Variants in APOB observed in about 807,000 individuals in gnomAD.
The protein encoded by APOB is apolipoprotein B-100.
Under a neutral mutation model 314.1 loss-of-function variants are expected in APOB, and 153 were observed. The ratio of observed to expected loss-of-function variants is 0.49; its 90% CI spans 0.43 to 0.56. APOB has a LOEUF of 0.56. Ranked by LOEUF, APOB falls within the 20% of genes least tolerant of loss-of-function variation. The pLI is 0.00. For synonymous variants in APOB, 2,087 were observed against 2,036.4 expected (o/e 1.02, Z -0.67); for missense variants, 5,430 against 5,350.7 (o/e 1.01, Z -0.46).
chr2:21,038,301 T>A (rs1005546966), intron 4 of APOB, among the ~76,000 whole-genome samples, 190 bp from the exon 5 acceptor site: 1 of 152,190 alleles, frequency 6.6e-6, no homozygotes, highest in African/African-American at 2.4e-5. Flanking sequence ...CACATATACA[T>A]AAGTTTTGGT....
chr2:21,024,201 C>G (rs1291923058), intron 16 of APOB: 1 of 152,406 alleles, frequency 6.6e-6, no homozygotes, highest in African/African-American at 2.4e-5. Flanking sequence ...TTTAATCAAG[C>G]CATAGGAGTA....
chr2:21,036,501 A>C (rs1323896355), intron 6 of APOB, among the ~76,000 whole-genome samples: 1 of 152,192 alleles, frequency 6.6e-6, no homozygotes, highest in Non-Finnish European at 1.5e-5. Context: ...TGCAGGGGTC[A>C]GGCAGGCTCA....
In APOB at chr2:21,012,321, C is replaced by T. The variant is rs747557440; in HGVS notation, c.4547G>A (p.Gly1516Glu). 3.1e-6 allele frequency: 5 copies of T among 1,613,996 alleles called. No homozygotes were observed. Among genetic ancestry groups the T allele is most frequent in the East Asian group, 2.2e-5 (1 of 44,880 alleles). Reference sequence around the variant, plus strand: ...GGAGTTAAACCTCAGGTTGGACTCTCCATTGAGCCGGCCAGTGTTAGGATC... The same window carrying T: ...GGAGTTAAACCTCAGGTTGGACTCTTCATTGAGCCGGCCAGTGTTAGGATC... ...QRDPNTGRLNGESNLRFNSSY... is the reference protein window; with the variant it reads ...QRDPNTGRLNEESNLRFNSSY... The change falls in exon 26 of 29, where the codon GGA (glycine) becomes GAA (glutamate). Residue 1516 changes from glycine to glutamate, a missense_variant. Gly to Glu is a moderately conservative substitution (Grantham distance 98, BLOSUM62 -2). Coordinates refer to ENST00000233242, the MANE Select transcript of APOB (RefSeq NM_000384.3).
At position 21,009,593 on chromosome 2, in the gene APOB, C is replaced by A. The variant is rs770657948; in HGVS notation, c.7275G>T (p.Lys2425Asn). Residue 2425 changes from lysine (K) to asparagine (N), a missense_variant, in exon 26 of 29, where the codon AAG (lysine) becomes AAT (asparagine). Transcript: ENST00000233242. ...DVNKFLDMLI[K>N]KLKSFDYHQF... The stretch of plus-strand genomic sequence containing the variant: ...GGTGGTAATCAAATGACTTTAATTT[C>A]TTTATCAACATGTCAAGGAATTTGT... 2 of 1,613,826 alleles carry A rather than the reference C, an allele frequency of 1.2e-6. No individual in the cohort carries two copies. Among genetic ancestry groups the A allele is most frequent in the East Asian group, 4.5e-5 (2 of 44,884 alleles).
chr2:21,030,663 C>T (rs1663851020), intron 10 of APOB, among the ~76,000 whole-genome samples: 1 of 152,102 alleles, frequency 6.6e-6, no homozygotes, highest in Non-Finnish European at 1.5e-5. Context: ...AGGGTGGTAA[C>T]CTGCAGAATG....
At chr2:21,040,352 T>C (rs1664100307) in intron 4 of APOB, among the ~76,000 whole-genome samples, 1 of 152,240 alleles carries the variant, frequency 6.6e-6, no homozygotes, top group East Asian at 1.9e-4. Flanking sequence ...CTATCCTGCC[T>C]GTATTCATAC....
chr2:21,013,617 T>A, intron 24 of APOB, 84 bp from the exon 25 acceptor site: 1 of 1,582,784 alleles, frequency 6.3e-7, no homozygotes, highest in Non-Finnish European at 8.7e-7. Flanking sequence ...ACAACAATAT[T>A]GTACTTGCCC....
rs779753415 is a variant in APOB, at chr2:21,010,613, T to C, written c.6255A>G (p.Arg2085=). 44 of 1,614,014 alleles carry C rather than the reference T, an allele frequency of 2.7e-5. No homozygotes were observed. The highest frequency in any genetic ancestry group is 1.7e-4 in the Admixed American group (10 of 59,986). ...TTTCCAGTACAACTATAATGGTTTGTCGATTCCTCTCAAAATATTCTTGCA... is the reference window on the plus strand; with the variant it reads ...TTTCCAGTACAACTATAATGGTTTGCCGATTCCTCTCAAAATATTCTTGCA... ...ETLQEYFERN[R]QTIIVVLENV... is the part of the protein sequence containing the mutation. The change falls in exon 26 of 29, where the codon CGA becomes CGG. Residue 2085 remains arginine (R), a synonymous_variant. Transcript: ENST00000233242.
At position 21,010,603 on chromosome 2, in the gene APOB, T is replaced by C. The variant is rs757554311; in HGVS notation, c.6265A>G (p.Ile2089Val). Reference sequence around the variant, plus strand: ...CTCTGTACGTTTTCCAGTACAACTATAATGGTTTGTCGATTCCTCTCAAAA... The same window carrying C: ...CTCTGTACGTTTTCCAGTACAACTACAATGGTTTGTCGATTCCTCTCAAAA... ...EYFERNRQTI[I>V]VVLENVQRNL... The change falls in exon 26 of 29, where the codon ATA becomes GTA. Residue 2089 changes from isoleucine (I) to valine (V), a missense_variant. Transcript: ENST00000233242. The C allele has an allele frequency of 8.7e-6, 14 of 1,614,022 alleles. No individual in the cohort carries two copies. Among genetic ancestry groups the C allele is most frequent in the Non-Finnish European group, 1.2e-5 (14 of 1,180,010 alleles).
Position 21,019,836 on chromosome 2 carries a change from G to A in APOB, c.2886C>T (p.Ser962=). 1.2e-6 allele frequency: 2 copies of A among 1,614,176 alleles called. No individual in the cohort carries two copies. Among genetic ancestry groups the A allele is most frequent in the Non-Finnish European group, 1.7e-6 (2 of 1,180,024 alleles). ...GAAAGACTTGCTTGCAAACTGACCA[G>A]GACTGCCTGTTCTCAATGAGAGGTG... ...VIPPLIENRQ[S]WSVCKQVFPG... The change falls in exon 19 of 29, where the codon TCC becomes TCT. Residue 962 remains serine, a synonymous_variant. Coordinates refer to ENST00000233242, the MANE Select transcript of APOB (RefSeq NM_000384.3).
rs1572779424 is a variant in APOB at position 21,007,082 on chromosome 2, T to G, written c.9786A>C (p.Pro3262=). The G allele has an allele frequency of 6.2e-7, 1 of 1,613,914 alleles. No homozygotes were observed. Residue 3262 remains proline (P), a synonymous_variant, in exon 26 of 29, where the codon CCA becomes CCC. Coordinates refer to ENST00000233242, the MANE Select transcript of APOB (RefSeq NM_000384.3). ...CGAATGCCGACATCTCTATGGTGAA[T>G]GGAGACACTTCAACATTGACAACTG... is the stretch of plus-strand genomic sequence containing the variant. ...TVPVVNVEVS[P]FTIEMSAFGY...
At position 21,003,260 on chromosome 2, in the gene APOB, GATCTGAGTTTCCTC is replaced by G; in HGVS notation, c.12148_12161del (p.Glu4050GlnfsTer3). On this transcript the variant is annotated frameshift_variant, in exon 29 of 29. Transcript: ENST00000233242. LOFTEE classifies it low-confidence loss of function (END_TRUNC). Reference sequence around the variant, plus strand: ...CTGCCTCTTCTTCCCAATTAACTTTGATCTGAGTTTCCTCATCAGATTCCCGGACCCTCAACTCA... The same window carrying G: ...CTGCCTCTTCTTCCCAATTAACTTTGATCAGATTCCCGGACCCTCAACTCA... The G allele has an allele frequency of 6.2e-7, 1 of 1,613,664 alleles. No homozygotes were observed. The highest frequency in any genetic ancestry group is 8.5e-7 in the Non-Finnish European group (1 of 1,179,892).
Position 21,031,297 on chromosome 2 carries a change from C to A in APOB, c.1352+1057G>T, listed in dbSNP as rs12720766. Among the ~76,000 whole-genome samples the A allele has an allele frequency of 9.2e-3, 1,397 of 152,304 alleles. 14 individuals are homozygous for A. The highest frequency in any genetic ancestry group is 0.019 in the Admixed American group (285 of 15,304). On this transcript the variant is annotated intron_variant, in intron 10 of 28. Coordinates refer to ENST00000233242, the MANE Select transcript of APOB (RefSeq NM_000384.3). The stretch of plus-strand genomic sequence containing the variant: ...AAAAAGAATAAAATCATGTCATTTG[C>A]AGCAACATGGATGGAACTGGAGGTC...
In APOB at chr2:21,007,283, C is replaced by T. The variant is rs141840973; in HGVS notation, c.9585G>A (p.Glu3195=). The T allele has an allele frequency of 9.3e-6, 15 of 1,613,448 alleles. No homozygotes were observed. The highest frequency in any genetic ancestry group is 1.2e-5 in the Non-Finnish European group (14 of 1,179,744). The change falls in exon 26 of 29, where the codon GAG becomes GAA. Residue 3195 remains glutamate (E), a synonymous_variant. Transcript: ENST00000233242. ...SITNPLAVLC[E]FISQSIKSFD... ...AGGATTTGATGCTCTGACTGATAAACTCACAAAGCACAGCCAAAGGATTTG... is the reference window on the plus strand; with the variant it reads ...AGGATTTGATGCTCTGACTGATAAATTCACAAAGCACAGCCAAAGGATTTG...
In APOB at chr2:21,008,883, G is replaced by C. The variant is rs1191356938; in HGVS notation, c.7985C>G (p.Thr2662Arg). Residue 2662 changes from threonine to arginine, a missense_variant, in exon 26 of 29, where the codon ACA becomes AGA. This residue lies in a region of APOB where 3,281 missense variants were observed against 3,171.0 expected (regional missense o/e 1.03). Coordinates refer to ENST00000233242, the MANE Select transcript of APOB (RefSeq NM_000384.3). ...ILNTFHIPSF[T>R]IDFVEMKVKI... ...TACTTTCATTTCTACAAAGTCAATTGTAAAGGAAGGAATGTGGAAGGTGTT... is the reference window on the plus strand; with the variant it reads ...TACTTTCATTTCTACAAAGTCAATTCTAAAGGAAGGAATGTGGAAGGTGTT... The C allele has an allele frequency of 6.2e-7, 1 of 1,613,902 alleles. No homozygotes were observed. The highest frequency in any genetic ancestry group is 8.5e-7 in the Non-Finnish European group (1 of 1,179,918).
At position 21,005,426 on chromosome 2, in the gene APOB, G is replaced by C. The variant is rs72654408; in HGVS notation, c.11442C>G (p.Thr3814=). Residue 3814 remains threonine, a synonymous_variant, in exon 26 of 29, where the codon ACC becomes ACG. Transcript: ENST00000233242. The part of the protein sequence containing the change: ...EDSLIPFFEI[T]VPESQLTVSQ... Reference sequence around the variant, plus strand: ...ACACAGTTAACTGAGATTCAGGCACGGTTATCTCAAAAAAGGGAATCAAGG... The same window carrying C: ...ACACAGTTAACTGAGATTCAGGCACCGTTATCTCAAAAAAGGGAATCAAGG... 31 of 1,613,778 alleles carry C rather than the reference G, an allele frequency of 1.9e-5. No individual in the cohort carries two copies. Among genetic ancestry groups the C allele is most frequent in the Admixed American group, 5.0e-5 (3 of 59,988 alleles).
chr2:21,014,961 G>A (rs1417412529), intron 23 of APOB, 112 bp downstream of exon 23: 12 of 1,153,626 alleles, frequency 1.0e-5, no homozygotes, highest in Non-Finnish European at 1.6e-5. Context: ...TCCCTGGGGG[G>A]AAGGAAGCAT....
Position 21,006,142 on chromosome 2 carries a change from G to A in APOB, c.10726C>T (p.Leu3576Phe), listed in dbSNP as rs763174107. ...GTATGTTCTCCGTTGGTGAAAAAGA[G>A]GCCCTCTAGCTGTAAGTGGTTTTTC... ...STKNHLQLEG[L>F]FFTNGEHTSK... Residue 3576 changes from leucine (L) to phenylalanine (F), a missense_variant, in exon 26 of 29, where the codon CTC becomes TTC. Leu to Phe is a conservative substitution (Grantham distance 22, BLOSUM62 0). Around this residue, in one of 3 missense-constraint regions of APOB, gnomAD observed 3,281 missense variants for 3,171.0 expected, o/e 1.03. Transcript: ENST00000233242. The A allele has an allele frequency of 8.7e-6, 14 of 1,613,888 alleles. No individual in the cohort carries two copies. In the Admixed American group the frequency reaches 2.0e-4, roughly 23 times the overall value.
chr2:21,042,522 C>G lies in APOB; in HGVS notation c.122-46G>C, dbSNP rs760805360. 3 of 1,479,246 alleles carry G rather than the reference C, an allele frequency of 2.0e-6. No homozygotes were observed. The Admixed American group carries it at 5.0e-5, about 25-fold the overall frequency. The allele number at this position is 1,479,246 out of a possible 1,614,324, so 91.6% of individuals were successfully genotyped here. On this transcript the variant is annotated intron_variant, in intron 2 of 28. Coordinates refer to ENST00000233242, the MANE Select transcript of APOB (RefSeq NM_000384.3). ...TCAGCCACATAGCAGAAATAGCTCT[C>G]CCAAGGACAGCCAATTCTGGGCAGA...
Sources: allele counts gnomAD v4.1 joint callset (sites outside exome capture counted in the v4.1 genomes callset), GRCh38; gene constraint gnomAD v4.1.1; regional missense constraint gnomAD v4.1.1; transcripts MANE v1.5; gene names NCBI Gene and HGNC (gene_info 2026-07-23, HGNC 2026-07-21).